Variants in MACROD2 observed in about 807,000 individuals in gnomAD.
MACROD2 encodes the protein ADP-ribose glycohydrolase MACROD2.
A neutral mutation model predicts 70.4 loss-of-function variants in MACROD2; 36 were observed. The observed-to-expected ratio is 0.51, with a 90% CI of 0.39 to 0.68. The LOEUF (loss-of-function observed/expected upper bound fraction) is 0.68. MACROD2 is among the 30% of genes least tolerant of loss of function. The pLI is 0.00. For synonymous variants in MACROD2, 172 were observed against 178.8 expected (o/e 0.96, Z 0.30); for missense variants, 496 against 538.4 (o/e 0.92, Z 0.78).
At chr20:14,895,856 C>A (rs562248140) in intron 5 of MACROD2, among the ~76,000 whole-genome samples, 2 of 151,928 alleles carry the variant, frequency 1.3e-5, no homozygotes, top group African/African-American at 4.8e-5. Flanking sequence ...AGGATAATAA[C>A]CTTGGATGAC....
intron 8 of MACROD2, among the ~76,000 whole-genome samples, chr20:15,649,235 TTTCTTTCTTTC>T (rs1418669365): frequency 6.9e-6 from 1 of 145,798 alleles, no homozygotes. Flanking sequence ...TCTTTCTTTC[TTTCTTTCTTTC>T]TTCTTTTTCA....
intron 3 of MACROD2, among the ~76,000 whole-genome samples, chr20:14,204,987 A>C (rs1315364941): frequency 6.6e-6 from 1 of 152,206 alleles, no homozygotes; most frequent in Non-Finnish European, 1.5e-5. Flanking sequence ...GAAATGATAG[A>C]GAAGGCTGTA....
At chr20:15,690,871 A>C (rs1256324837) in intron 8 of MACROD2, among the ~76,000 whole-genome samples, 5 of 152,016 alleles carry the variant, frequency 3.3e-5, no homozygotes, top group African/African-American at 9.7e-5. Flanking sequence ...GGACCTTTAT[A>C]TTTATTATGT....
chr20:15,579,415 A>G (rs2048493342), intron 8 of MACROD2, among the ~76,000 whole-genome samples: 1 of 152,216 alleles, frequency 6.6e-6, no homozygotes, highest in Non-Finnish European at 1.5e-5. Flanking sequence ...GAGAAAATAG[A>G]CCCGAGAAAT....
chr20:14,598,612 G>T (rs1982291394), intron 4 of MACROD2, among the ~76,000 whole-genome samples: 1 of 152,072 alleles, frequency 6.6e-6, no homozygotes, highest in South Asian at 2.1e-4. Context: ...TATATTAATT[G>T]ATTTACATGT....
chr20:14,356,906 T>G (rs1210130779), intron 3 of MACROD2, among the ~76,000 whole-genome samples: 1 of 152,176 alleles, frequency 6.6e-6, no homozygotes, highest in Non-Finnish European at 1.5e-5. Flanking sequence ...CTCTATTTTC[T>G]CCAAGTGGGC....
intron 7 of MACROD2, among the ~76,000 whole-genome samples, chr20:15,461,270 C>T (rs541724384): frequency 7.2e-5 from 11 of 152,118 alleles, no homozygotes; most frequent in South Asian, 4.2e-4. Flanking sequence ...ATTTACTTTA[C>T]GAGAATGTGT....
intron 3 of MACROD2, among the ~76,000 whole-genome samples, chr20:14,398,238 G>T (rs2083600926): frequency 6.6e-6 from 1 of 152,006 alleles, no homozygotes; most frequent in Non-Finnish European, 1.5e-5. Context: ...TTGATATATT[G>T]ATTTACTTTC....
intron 5 of MACROD2, among the ~76,000 whole-genome samples, chr20:14,969,361 T>TAC (rs3045701): frequency 0.12 from 16,188 of 137,952 alleles, 938 homozygotes; most frequent in East Asian, 0.22. Flanking sequence ...TAAATGCTTT[T>TAC]ACACACACAC....
At chr20:15,036,703 A>G (rs114841426) in intron 5 of MACROD2, among the ~76,000 whole-genome samples, 2,072 of 152,248 alleles carry the variant, frequency 0.014, 66 homozygotes, top group African/African-American at 0.046. Context: ...AAAACTCACC[A>G]TCATCTTTCT....
chr20:15,964,740 C>T (rs1036674946), intron 12 of MACROD2, among the ~76,000 whole-genome samples: 3 of 152,250 alleles, frequency 2.0e-5, no homozygotes, highest in African/African-American at 4.8e-5. Flanking sequence ...CATACAGAAT[C>T]AAATCTAGGC....
chr20:13,999,511 G>A (rs1692818482), intron 1 of MACROD2, among the ~76,000 whole-genome samples: 1 of 152,196 alleles, frequency 6.6e-6, no homozygotes, highest in African/African-American at 2.4e-5. Flanking sequence ...ACAACCCTAT[G>A]AGGTAGGAAA....
intron 2 of MACROD2, among the ~76,000 whole-genome samples, chr20:14,040,295 A>C (rs2053374324): frequency 6.6e-6 from 1 of 152,204 alleles, no homozygotes; most frequent in Admixed American, 6.5e-5. Context: ...ACTGTACTGA[A>C]TACTGTAAGC....
At chr20:14,389,188 AT>A (rs1466591214) in intron 3 of MACROD2, among the ~76,000 whole-genome samples, 1 of 151,578 alleles carries the variant, frequency 6.6e-6, no homozygotes, top group Non-Finnish European at 1.5e-5. Flanking sequence ...CCATCGGCCA[AT>A]TATTATTATT....
In MACROD2 at chr20:15,731,688, GA is replaced by G. The variant is rs2050945013; in HGVS notation, c.646-131056del. ...ATGCTAGGAGCCATGGCATTGCAGA[GA>G]GGTGCACATGCGTCGCCTGGGGCAG... On this transcript the variant is annotated intron_variant, in intron 8 of 17. Coordinates refer to ENST00000684519, the MANE Select transcript of MACROD2 (RefSeq NM_001351661.2). Among the ~76,000 whole-genome samples, 3 of 58,872 alleles carry G rather than the reference GA, an allele frequency of 5.1e-5. 1 individual carries two copies. Among genetic ancestry groups the G allele is most frequent in the African/African-American group, 1.4e-4 (3 of 21,208 alleles). The allele number at this position is 58,872 out of a possible 152,430, so 38.6% of individuals were successfully genotyped here.
intron 15 of MACROD2, among the ~76,000 whole-genome samples, chr20:16,024,930 G>T (rs1213502723): frequency 6.6e-6 from 1 of 151,992 alleles, no homozygotes; most frequent in Non-Finnish European, 1.5e-5. Flanking sequence ...TTTGCAGACT[G>T]GTCTAGGCTT....
chr20:14,065,575 G>A (rs1020236347), intron 2 of MACROD2, among the ~76,000 whole-genome samples: 3 of 152,142 alleles, frequency 2.0e-5, no homozygotes, highest in African/African-American at 4.8e-5. Context: ...GCCAGTTGAC[G>A]TTTATTGTGC....
At chr20:15,287,976 A>T (rs1258685249) in intron 6 of MACROD2, among the ~76,000 whole-genome samples, 1 of 152,212 alleles carries the variant, frequency 6.6e-6, no homozygotes, top group Non-Finnish European at 1.5e-5. Context: ...TAATATTTTC[A>T]TTCCAGCCTG....
chr20:14,127,381 C>A, intron 3 of MACROD2: 1 of 395,910 alleles, frequency 2.5e-6, no homozygotes, highest in South Asian at 5.8e-5. Context: ...GAGGCTGCCT[C>A]AGAACCCCTT....
Sources: allele counts gnomAD v4.1 joint callset (sites outside exome capture counted in the v4.1 genomes callset), GRCh38; gene constraint gnomAD v4.1.1; transcripts MANE v1.5; gene names NCBI Gene and HGNC (gene_info 2026-07-23, HGNC 2026-07-21).